Variants in DCUN1D4 observed in about 807,000 individuals in gnomAD.
DCUN1D4 encodes the protein defective in cullin neddylation 1 domain containing 4, also known as DCN1-like protein 4.
Under a neutral mutation model 47.9 loss-of-function variants are expected in DCUN1D4, and 22 were observed. The ratio of observed to expected loss-of-function variants is 0.46; its 90% confidence interval spans 0.33 to 0.66. The LOEUF (loss-of-function observed/expected upper bound fraction) is 0.66. DCUN1D4 is among the 30% of genes least tolerant of loss of function. DCUN1D4 has a pLI of 0.02. For synonymous variants in DCUN1D4, 121 were observed against 112.2 expected, an observed-to-expected ratio of 1.08 and a Z score of -0.50; for missense variants, 301 against 340.8, an observed-to-expected ratio of 0.88 and a Z score of 0.92.
At chr4:51,880,617 A>G (rs1369240220) in intron 5 of DCUN1D4, among the ~76,000 whole-genome samples, 4 of 152,094 alleles carry the variant, frequency 2.6e-5, no homozygotes, top group Non-Finnish European at 5.9e-5. Context: ...CTCACTTTCT[A>G]AAATCTCCAC....
chr4:51,844,650 TAGGCCGCGCCCCACGCCCGG>T (rs1456976001), intron 1 of DCUN1D4, among the ~76,000 whole-genome samples: 2 of 151,394 alleles, frequency 1.3e-5, no homozygotes, highest in Admixed American at 6.6e-5. Context: ...GGCCGGGCCC[TAGGCCGCGCCCCACGCCCGG>T]GGGGCGCGAC....
intron 1 of DCUN1D4, among the ~76,000 whole-genome samples, chr4:51,857,502 A>G (rs759540082): frequency 2.6e-5 from 4 of 152,032 alleles, no homozygotes; most frequent in Non-Finnish European, 2.9e-5. Flanking sequence ...CTTCCCACCA[A>G]TGTTTTCCTG....
intron 5 of DCUN1D4, among the ~76,000 whole-genome samples, chr4:51,879,385 T>C (rs1168321347): frequency 1.3e-5 from 2 of 152,184 alleles, no homozygotes; most frequent in African/African-American, 2.4e-5. Flanking sequence ...GGCAGGAGGA[T>C]TGCCTGAGTT....
intron 3 of DCUN1D4, among the ~76,000 whole-genome samples, chr4:51,868,735 T>C (rs1290493108): frequency 1.3e-5 from 2 of 152,182 alleles, no homozygotes; most frequent in Non-Finnish European, 2.9e-5. Context: ...TTCTTTTGTG[T>C]GTCACAATCT....
chr4:51,901,910 C>G (rs1732180552), intron 8 of DCUN1D4, among the ~76,000 whole-genome samples: 1 of 152,128 alleles, frequency 6.6e-6, no homozygotes, highest in Admixed American at 6.5e-5. Context: ...AAAATATGCT[C>G]TAAGATAAAT....
intron 7 of DCUN1D4, among the ~76,000 whole-genome samples, 182 bp downstream of exon 7, chr4:51,892,033 A>G (rs950706897): frequency 6.6e-6 from 1 of 152,214 alleles, no homozygotes; most frequent in Non-Finnish European, 1.5e-5. Context: ...GGGCAAATTT[A>G]TAAAGTGTCT....
At chr4:51,869,837 TTC>T (rs1313233851) in intron 3 of DCUN1D4, among the ~76,000 whole-genome samples, 2 of 152,220 alleles carry the variant, frequency 1.3e-5, no homozygotes, top group African/African-American at 4.8e-5. Flanking sequence ...AAAAGCTCTA[TTC>T]ATTGACTGAT....
rs548182905 is a variant in DCUN1D4 at position 51,867,076 on chromosome 4, G to A, written c.136+3367G>A. Among the ~76,000 whole-genome samples, 17 of 152,374 alleles carry A rather than the reference G, an allele frequency of 1.1e-4. No homozygotes were observed. The South Asian group carries it at 2.9e-3, about 26-fold the overall frequency. ...CTGCACACAGCCAGGCATGCTGGCT[G>A]CTGCAGTGGGGCAAGTAGCTCCAGG... On this transcript the variant is annotated intron_variant, in intron 3 of 10. Coordinates refer to ENST00000334635, the MANE Select transcript of DCUN1D4 (RefSeq NM_001040402.3).
At chr4:51,836,983 C>G in the DCUN1D4 span, among the ~76,000 whole-genome samples, 1 of 152,296 alleles carries the variant, frequency 6.6e-6, no homozygotes, top group Non-Finnish European at 1.5e-5. Context: ...AAGCCATTAT[C>G]CAAATAAAAT....
At chr4:51,866,156 T>C (rs1019196542) in intron 3 of DCUN1D4, among the ~76,000 whole-genome samples, 10 of 152,158 alleles carry the variant, frequency 6.6e-5, no homozygotes, top group African/African-American at 2.4e-4. Context: ...ACCTGATCAT[T>C]CCATATCAGC....
At chr4:51,880,234 G>A (rs1377381160) in intron 5 of DCUN1D4, among the ~76,000 whole-genome samples, 1 of 152,214 alleles carries the variant, frequency 6.6e-6, no homozygotes, top group Non-Finnish European at 1.5e-5. Flanking sequence ...GTGACTAACA[G>A]GTTGTGCTGT....
chr4:51,868,595 G>A (rs1349201210), intron 3 of DCUN1D4, among the ~76,000 whole-genome samples: 1 of 152,184 alleles, frequency 6.6e-6, no homozygotes, highest in Admixed American at 6.5e-5. Context: ...ATCTGAAATA[G>A]TTGAGTCATT....
intron 1 of DCUN1D4, among the ~76,000 whole-genome samples, chr4:51,859,827 T>C (rs1414347307): frequency 2.0e-5 from 3 of 152,140 alleles, no homozygotes; most frequent in Admixed American, 1.3e-4. Flanking sequence ...AGAGTCAGAC[T>C]CAGCACTGCT....
intron 1 of DCUN1D4, chr4:51,843,501 G>A (rs1183316454): frequency 1.0e-5 from 13 of 1,288,108 alleles, no homozygotes; most frequent in Non-Finnish European, 1.3e-5. Flanking sequence ...GAGGTGAGGG[G>A]GGTGGGGACT....
At chr4:51,843,133 G>C, upstream of DCUN1D4, 2 of 1,496,716 alleles carry the variant, frequency 1.3e-6, no homozygotes, top group Non-Finnish European at 1.8e-6. Context: ...CGGGCTGGGA[G>C]TGCCCGGCGG....
At chr4:51,847,088 G>A (rs1298672826) in intron 1 of DCUN1D4, among the ~76,000 whole-genome samples, 1 of 152,174 alleles carries the variant, frequency 6.6e-6, no homozygotes, top group Non-Finnish European at 1.5e-5. Context: ...GCATTTACCA[G>A]CATCTCTTGT....
chr4:51,877,499 C>G, intron 4 of DCUN1D4: 1 of 229,024 alleles, frequency 4.4e-6, no homozygotes, highest in African/African-American at 2.3e-5. Context: ...ATATCAAATA[C>G]CTGTTCTGTT....
At chr4:51,904,642 T>A (rs1048885081) in intron 8 of DCUN1D4, among the ~76,000 whole-genome samples, 1 of 152,172 alleles carries the variant, frequency 6.6e-6, no homozygotes, top group Non-Finnish European at 1.5e-5. Flanking sequence ...TTATTTTCTT[T>A]TTCTTGGGGA....
chr4:51,867,139 C>T (rs1033246849), intron 3 of DCUN1D4, among the ~76,000 whole-genome samples: 1 of 152,230 alleles, frequency 6.6e-6, no homozygotes, highest in Non-Finnish European at 1.5e-5. Context: ...CAGCTCTGTG[C>T]GAGGCTGCAG....
Sources: gnomAD v4.1 joint callset for allele counts (sites outside exome capture counted in the v4.1 genomes callset) on GRCh38, gnomAD v4.1.1 for gene constraint, MANE v1.5 for transcripts, NCBI Gene and HGNC (gene_info 2026-07-23, HGNC 2026-07-21) for gene names.